MARCHF1: variants seen among roughly 807,000 people sequenced by gnomAD.
The protein encoded by MARCHF1 is E3 ubiquitin-protein ligase MARCHF1.
Under a neutral mutation model 54.2 loss-of-function variants are expected in MARCHF1, and 40 were observed. The observed-to-expected ratio is 0.74, with a 90% confidence interval of 0.57 to 0.96. The LOEUF is 0.96. Among genes scored for constraint, MARCHF1 ranks in the 40% least tolerant of loss-of-function variants. The pLI is 0.00. For synonymous variants in MARCHF1, 236 were observed against 236.3 expected, an observed-to-expected ratio of 1.00 and a Z score of 0.01; for missense variants, 586 against 656.5, an observed-to-expected ratio of 0.89 and a Z score of 1.17.
intron 3 of MARCHF1, among the ~76,000 whole-genome samples, chr4:163,862,149 C>T (rs576042711): frequency 6.6e-6 from 1 of 151,750 alleles, no homozygotes; most frequent in African/African-American, 2.4e-5. Context: ...TTGGGTTTAG[C>T]AATGAGGTGG....
intron 4 of MARCHF1, among the ~76,000 whole-genome samples, chr4:163,845,990 A>C (rs1282874253): frequency 1.3e-5 from 2 of 152,214 alleles, no homozygotes; most frequent in African/African-American, 4.8e-5. Context: ...TCTTACAAAA[A>C]TCAAAGTTCT....
At chr4:164,165,066 T>A (rs1191377878) in intron 1 of MARCHF1, among the ~76,000 whole-genome samples, 2 of 151,934 alleles carry the variant, frequency 1.3e-5, no homozygotes, top group African/African-American at 4.8e-5. Context: ...TACCCATAAG[T>A]TTAAAGAGCG....
chr4:164,018,754 G>T (rs1052270954), intron 2 of MARCHF1, among the ~76,000 whole-genome samples: 1 of 151,876 alleles, frequency 6.6e-6, no homozygotes, highest in Non-Finnish European at 1.5e-5. Flanking sequence ...GCCTTTTATT[G>T]CTACTTTTGC....
At chr4:163,546,875 A>G (rs745529864) in intron 8 of MARCHF1, among the ~76,000 whole-genome samples, 8 of 152,208 alleles carry the variant, frequency 5.3e-5, no homozygotes, top group Non-Finnish European at 1.2e-4. Context: ...ATATATTTTA[A>G]TGTCTTTGTA....
intron 1 of MARCHF1, among the ~76,000 whole-genome samples, chr4:164,297,945 TA>T (rs1734453179): frequency 6.6e-6 from 1 of 152,160 alleles, no homozygotes; most frequent in African/African-American, 2.4e-5. Flanking sequence ...CTCCTCAATT[TA>T]AAACCTTATG....
intron 4 of MARCHF1, among the ~76,000 whole-genome samples, chr4:163,850,691 T>C (rs775649084): frequency 6.6e-6 from 1 of 152,202 alleles, no homozygotes; most frequent in African/African-American, 2.4e-5. Context: ...AGTTGCATAA[T>C]GTTTTGTCAA....
chr4:163,849,092 A>T (rs1489775330), intron 4 of MARCHF1, among the ~76,000 whole-genome samples: 2 of 152,200 alleles, frequency 1.3e-5, no homozygotes, highest in Non-Finnish European at 2.9e-5. Context: ...GTACAATCCA[A>T]ATAATGACTG....
At position 163,632,571 on chromosome 4, in the gene MARCHF1, T is replaced by A. The variant is rs1742138144; in HGVS notation, c.163-19178A>T. On this transcript the variant is annotated intron_variant, in intron 5 of 9. Transcript: ENST00000514618. ...AAAAACGGCGCACCACAAGATTATATCCCGCACCTGGCTTGGAGGGTCCTA... is the reference window on the plus strand; with the variant it reads ...AAAAACGGCGCACCACAAGATTATAACCCGCACCTGGCTTGGAGGGTCCTA... 3.3e-5 allele frequency among the ~76,000 whole-genome samples: 5 copies of A among 152,274 alleles called. No homozygotes were observed. In the South Asian group the frequency reaches 1.0e-3, roughly 32 times the overall value.
chr4:164,124,340 T>C (rs1418676798), intron 1 of MARCHF1, among the ~76,000 whole-genome samples: 1 of 152,116 alleles, frequency 6.6e-6, no homozygotes, highest in East Asian at 1.9e-4. Context: ...GAATGTAAAT[T>C]AGTACAACCA....
At chr4:163,909,776 T>C (rs1751149454) in intron 3 of MARCHF1, among the ~76,000 whole-genome samples, 1 of 152,198 alleles carries the variant, frequency 6.6e-6, no homozygotes, top group Non-Finnish European at 1.5e-5. Flanking sequence ...GTTCATATTT[T>C]TTATCAATCA....
At chr4:163,955,320 T>A in intron 3 of MARCHF1, among the ~76,000 whole-genome samples, 1 of 124,938 alleles carries the variant, frequency 8.0e-6, no homozygotes, top group African/African-American at 3.1e-5. Context: ...CTCTCTCACA[T>A]AATAGAGGAT....
At chr4:163,826,248 A>G (rs1748843877) in intron 4 of MARCHF1, among the ~76,000 whole-genome samples, 1 of 152,038 alleles carries the variant, frequency 6.6e-6, no homozygotes, top group African/African-American at 2.4e-5. Context: ...TTTTAGTGCA[A>G]TCTGACATTG....
At chr4:164,159,344 T>C (rs947936884) in intron 1 of MARCHF1, among the ~76,000 whole-genome samples, 1 of 152,164 alleles carries the variant, frequency 6.6e-6, no homozygotes. Context: ...GCACAAACTA[T>C]TAATATCATA....
At chr4:164,370,487 C>T (rs1378872347) in intron 1 of MARCHF1, among the ~76,000 whole-genome samples, 1 of 152,242 alleles carries the variant, frequency 6.6e-6, no homozygotes, top group Non-Finnish European at 1.5e-5. Context: ...CTGGTAGTGT[C>T]TCACATTAGC....
At position 164,343,379 on chromosome 4, in the gene MARCHF1, T is replaced by C. The variant is rs901185103; in HGVS notation, c.-323+40491A>G. 2.6e-5 allele frequency among the ~76,000 whole-genome samples: 4 copies of C among 152,008 alleles called. No individual in the cohort carries two copies. In the South Asian group the frequency reaches 8.3e-4, roughly 32 times the overall value. ...TGACAAATGGGACTCAGTTAAAGAGTTTCTGCAGGGTAAAAGAAACTGTCA... is the reference window on the plus strand; with the variant it reads ...TGACAAATGGGACTCAGTTAAAGAGCTTCTGCAGGGTAAAAGAAACTGTCA... On this transcript the variant is annotated intron_variant, in intron 1 of 9. Coordinates refer to ENST00000514618, the MANE Select transcript of MARCHF1 (RefSeq NM_001394959.1).
At chr4:164,268,254 G>A (rs191829659) in intron 1 of MARCHF1, among the ~76,000 whole-genome samples, 1 of 152,226 alleles carries the variant, frequency 6.6e-6, no homozygotes, top group Non-Finnish European at 1.5e-5. Flanking sequence ...GTGCTGGATG[G>A]CCACTTCCAC....
intron 5 of MARCHF1, among the ~76,000 whole-genome samples, chr4:163,669,530 T>C (rs1472402758): frequency 6.6e-6 from 1 of 152,056 alleles, no homozygotes; most frequent in East Asian, 1.9e-4. Flanking sequence ...ACTTCCAAAA[T>C]TGGTAAATAC....
chr4:163,643,827 T>C (rs184687492), intron 5 of MARCHF1, among the ~76,000 whole-genome samples: 1 of 152,250 alleles, frequency 6.6e-6, no homozygotes, highest in African/African-American at 2.4e-5. Flanking sequence ...TTTAGGTTTT[T>C]TTGTTACAAC....
intron 4 of MARCHF1, among the ~76,000 whole-genome samples, chr4:163,781,187 C>T (rs1426988178): frequency 6.6e-6 from 1 of 152,176 alleles, no homozygotes; most frequent in Non-Finnish European, 1.5e-5. Context: ...CCCGTCTCTA[C>T]TGAAAATACA....
Sources: allele counts gnomAD v4.1 joint callset (sites outside exome capture counted in the v4.1 genomes callset), GRCh38; gene constraint gnomAD v4.1.1; transcripts MANE v1.5; gene names NCBI Gene and HGNC (gene_info 2026-07-23, HGNC 2026-07-21).